NKAIN3: variants seen among roughly 807,000 people sequenced by gnomAD.
NKAIN3 encodes the protein sodium/potassium-transporting ATPase subunit beta-1-interacting protein 3.
In NKAIN3, 25 loss-of-function variants were observed where a neutral mutation model predicts 30.2. The observed-to-expected ratio is 0.83, with a 90% CI of 0.60 to 1.16. The LOEUF is 1.16. Ranked by LOEUF, NKAIN3 falls within the 50% of genes most tolerant of loss-of-function variation. The pLI is 0.00. For synonymous variants in NKAIN3, 91 were observed against 89.6 expected (o/e 1.02, Z -0.09); for missense variants, 225 against 254.1 (o/e 0.89, Z 0.78).
intron 4 of NKAIN3, among the ~76,000 whole-genome samples, chr8:62,914,349 A>C (rs993221788): frequency 1.3e-5 from 2 of 152,130 alleles, no homozygotes; most frequent in African/African-American, 4.8e-5. Flanking sequence ...ACTTGAGGGT[A>C]GAGGATGGGA....
intron 3 of NKAIN3, among the ~76,000 whole-genome samples, chr8:62,682,007 C>T (rs1586083701): frequency 6.6e-6 from 1 of 152,022 alleles, no homozygotes; most frequent in Admixed American, 6.6e-5. Flanking sequence ...AGCTCCTACT[C>T]GGAGGGACAG....
intron 1 of NKAIN3, among the ~76,000 whole-genome samples, chr8:62,368,031 T>C (rs1440327640): frequency 6.6e-6 from 1 of 152,168 alleles, no homozygotes; most frequent in Non-Finnish European, 1.5e-5. Context: ...GTAAAAGACC[T>C]GTACACTGAA....
At chr8:62,309,700 G>T (rs1301665153) in intron 1 of NKAIN3, among the ~76,000 whole-genome samples, 2 of 150,202 alleles carry the variant, frequency 1.3e-5, no homozygotes, top group South Asian at 4.1e-4. Context: ...TGACAAGTAT[G>T]ATTATTCAGA....
chr8:62,947,248 C>A (rs1823151586), intron 5 of NKAIN3, among the ~76,000 whole-genome samples: 1 of 152,074 alleles, frequency 6.6e-6, no homozygotes, highest in Non-Finnish European at 1.5e-5. Context: ...TAATTATTAA[C>A]CCCTTCCCCT....
intron 1 of NKAIN3, among the ~76,000 whole-genome samples, chr8:62,502,502 A>G (rs541491945): frequency 1.3e-5 from 2 of 151,440 alleles, no homozygotes; most frequent in South Asian, 4.2e-4. Context: ...TTTCTATGAC[A>G]CTTCTCTTTT....
intron 3 of NKAIN3, among the ~76,000 whole-genome samples, chr8:62,675,417 G>C (rs1431898262): frequency 1.3e-5 from 2 of 152,114 alleles, no homozygotes; most frequent in Non-Finnish European, 2.9e-5. Flanking sequence ...CTTCTATTTA[G>C]ACAGAGTATA....
At chr8:62,531,449 C>T (rs1399218654) in intron 1 of NKAIN3, among the ~76,000 whole-genome samples, 1 of 152,146 alleles carries the variant, frequency 6.6e-6, no homozygotes, top group African/African-American at 2.4e-5. Context: ...CTTAAAACTT[C>T]AATAATAGTG....
At chr8:62,534,500 C>G (rs1407456783) in intron 1 of NKAIN3, among the ~76,000 whole-genome samples, 2 of 151,994 alleles carry the variant, frequency 1.3e-5, no homozygotes, top group African/African-American at 2.4e-5. Flanking sequence ...TTTTTCACAC[C>G]CCCAAAACCA....
chr8:62,869,146 T>TG (rs1366549802), intron 4 of NKAIN3, among the ~76,000 whole-genome samples: 2 of 152,198 alleles, frequency 1.3e-5, no homozygotes, highest in African/African-American at 2.4e-5. Flanking sequence ...CATTTGTAAC[T>TG]TTTTTTAATA....
intron 4 of NKAIN3, among the ~76,000 whole-genome samples, chr8:62,879,306 T>A (rs1024589205): frequency 7.9e-5 from 12 of 152,366 alleles, no homozygotes; most frequent in Admixed American, 7.8e-4. Flanking sequence ...TGCATAAATG[T>A]CTTCTTTTGA....
At chr8:62,589,946 A>ACTTTAGGT (rs1223643935) in intron 3 of NKAIN3, among the ~76,000 whole-genome samples, 152 bp downstream of exon 3, 3 of 149,914 alleles carry the variant, frequency 2.0e-5, no homozygotes, top group Non-Finnish European at 4.5e-5. Context: ...TTCAAAGAAG[A>ACTTTAGGT]CTTTAGGTAC....
chr8:62,496,655 T>A (rs1052176221), intron 1 of NKAIN3, among the ~76,000 whole-genome samples: 1 of 152,094 alleles, frequency 6.6e-6, no homozygotes, highest in Non-Finnish European at 1.5e-5. Flanking sequence ...AGTTCATGAT[T>A]GAGATAATAT....
At chr8:62,847,696 C>T (rs757315431) in intron 4 of NKAIN3, among the ~76,000 whole-genome samples, 2 of 152,054 alleles carry the variant, frequency 1.3e-5, no homozygotes, top group Non-Finnish European at 2.9e-5. Context: ...TAGACCCCAT[C>T]GGTCAATTTT....
At chr8:62,819,133 T>TTATATATATATA (rs71559380) in intron 4 of NKAIN3, among the ~76,000 whole-genome samples, 6 of 98,868 alleles carry the variant, frequency 6.1e-5, no homozygotes, top group African/African-American at 2.0e-4. Flanking sequence ...AGAATTATCG[T>TTATATATATATA]TATATATATA....
chr8:62,949,575 GAAAGGACTGCA>G (rs976434697), intron 5 of NKAIN3, among the ~76,000 whole-genome samples: 6 of 152,154 alleles, frequency 3.9e-5, no homozygotes, highest in Non-Finnish European at 5.9e-5. Flanking sequence ...AAGAAGATTT[GAAAGGACTGCA>G]AAAGGGTTTC....
intron 5 of NKAIN3, among the ~76,000 whole-genome samples, chr8:62,936,775 G>A (rs1238702451): frequency 2.6e-5 from 4 of 151,994 alleles, no homozygotes; most frequent in Admixed American, 6.6e-5. Context: ...AATGTCATAT[G>A]TTTATTCTGC....
intron 5 of NKAIN3, among the ~76,000 whole-genome samples, chr8:62,937,164 C>T (rs1308017251): frequency 1.3e-5 from 2 of 152,076 alleles, no homozygotes; most frequent in Non-Finnish European, 1.5e-5. Context: ...AAGAAAATGG[C>T]AGACAGGAGA....
At chr8:62,382,587 G>T (rs140117976) in intron 1 of NKAIN3, among the ~76,000 whole-genome samples, 16 of 152,144 alleles carry the variant, frequency 1.1e-4, no homozygotes, top group African/African-American at 3.4e-4. Flanking sequence ...TAAAAGAAGG[G>T]TTCAAGTCAT....
chr8:62,870,274 A>ATCTATAGATATCTATATCTATATC lies in NKAIN3; in HGVS notation c.472-48178_472-48177insCTATAGATATCTATATCTATATCT, dbSNP rs1563604041. ...TCTATATATATATCTATATATAGAT[A>ATCTATAGATATCTATATCTATATC]TATATAAATATCTATAGATATATAT... On this transcript the variant is annotated intron_variant, in intron 4 of 6. Transcript: ENST00000623646. 1.6e-5 allele frequency among the ~76,000 whole-genome samples: 2 copies of ATCTATAGATATCTATATCTATATC among 126,488 alleles called. 1 individual carries two copies. The highest frequency in any genetic ancestry group is 6.5e-5 in the African/African-American group (2 of 30,828). The allele number at this position is 126,488 out of a possible 152,430, so 83.0% of individuals were successfully genotyped here. A position where few individuals can be genotyped will look rare whatever the true frequency, so the allele number is the denominator to read the frequency against.
Sources: gnomAD v4.1 joint callset for allele counts (sites outside exome capture counted in the v4.1 genomes callset) on GRCh38, gnomAD v4.1.1 for gene constraint, MANE v1.5 for transcripts, NCBI Gene and HGNC (gene_info 2026-07-23, HGNC 2026-07-21) for gene names.